AFAP1: variants seen among roughly 807,000 people sequenced by gnomAD.
AFAP1 encodes the protein actin filament-associated protein 1.
Under a neutral mutation model 93.9 loss-of-function variants are expected in AFAP1, and 75 were observed. That is an observed-to-expected ratio of 0.80 (90% confidence interval 0.66 to 0.97). The LOEUF (loss-of-function observed/expected upper bound fraction) is 0.97, where lower values mean the gene tolerates loss of function less well. AFAP1 is among the 50% of genes least tolerant of loss of function. AFAP1 has a pLI of 0.00. For synonymous variants in AFAP1, 517 were observed against 430.7 expected, an observed-to-expected ratio of 1.20 and a Z score of -2.48; for missense variants, 1,201 against 1,050.8, an observed-to-expected ratio of 1.14 and a Z score of -1.98.
rs1366136853 is a variant in AFAP1, at chr4:7,793,743, G to A, written c.1350C>T (p.His450=). ...TGSSTDPEAL[H]YDYIDVEMSA... ...ACATCTCCACATCAATGTAGTCATA[G>A]TGCAGAGCCTCCGGGTCTGTGGACG... Residue 450 remains histidine (H), a synonymous_variant, in exon 11 of 18, where the codon CAC becomes CAT. Transcript: ENST00000420658. 7 of 1,579,290 alleles carry A rather than the reference G, an allele frequency of 4.4e-6. No individual in the cohort carries two copies. Among genetic ancestry groups the A allele is most frequent in the African/African-American group, 1.3e-5 (1 of 74,692 alleles).
At chr4:7,805,138 C>T (rs557087572) in intron 9 of AFAP1, among the ~76,000 whole-genome samples, 5 of 152,192 alleles carry the variant, frequency 3.3e-5, no homozygotes, top group Non-Finnish European at 5.9e-5. Context: ...TGGCATCAAG[C>T]GGTCCTCTCC....
At chr4:7,795,341 T>A (rs1303932648) in intron 10 of AFAP1, among the ~76,000 whole-genome samples, 1 of 148,966 alleles carries the variant, frequency 6.7e-6, no homozygotes, top group Non-Finnish European at 1.5e-5. Flanking sequence ...AATACCTGGA[T>A]TAAAACAAAA....
At chr4:7,856,915 A>G (rs747375214) in intron 3 of AFAP1, among the ~76,000 whole-genome samples, 54 of 152,258 alleles carry the variant, frequency 3.5e-4, no homozygotes, top group Non-Finnish European at 1.5e-4. Context: ...CCTTCAGGGC[A>G]TGTATTCTAT....
intron 9 of AFAP1, among the ~76,000 whole-genome samples, chr4:7,806,131 G>A (rs62289279): frequency 2.0e-5 from 3 of 152,314 alleles, no homozygotes; most frequent in East Asian, 1.9e-4. Context: ...GGGCCTTTGC[G>A]CATGTCTCAG....
In AFAP1 at chr4:7,937,644, G is replaced by A. The variant is rs534311586; in HGVS notation, c.-3+2012C>T. On this transcript the variant is annotated intron_variant, in intron 1 of 17. Coordinates refer to ENST00000420658, the MANE Select transcript of AFAP1 (RefSeq NM_001134647.2). Reference sequence around the variant, plus strand: ...TGCGATTACAGGCACCCACCACCATGCCCGGCTAATTTTTGTATTTTTAGT... The same window carrying A: ...TGCGATTACAGGCACCCACCACCATACCCGGCTAATTTTTGTATTTTTAGT... Among the ~76,000 whole-genome samples the A allele has an allele frequency of 6.6e-3, 1,007 of 152,184 alleles. 15 individuals carry two copies. The highest frequency in any genetic ancestry group is 0.023 in the African/African-American group (959 of 41,522).
intron 10 of AFAP1, among the ~76,000 whole-genome samples, chr4:7,799,613 G>A (rs1218200519): frequency 2.0e-5 from 3 of 152,208 alleles, no homozygotes; most frequent in Non-Finnish European, 2.9e-5. Flanking sequence ...CATCTGGCGT[G>A]TGAATGCACA....
chr4:7,919,887 C>G (rs1484178363), intron 1 of AFAP1, among the ~76,000 whole-genome samples: 1 of 151,318 alleles, frequency 6.6e-6, no homozygotes, highest in Non-Finnish European at 1.5e-5. Context: ...TAAGTAAGAA[C>G]ACATGGTGTT....
chr4:7,908,077 T>G (rs1719524202), intron 1 of AFAP1, among the ~76,000 whole-genome samples: 1 of 152,112 alleles, frequency 6.6e-6, no homozygotes, highest in Non-Finnish European at 1.5e-5. Context: ...CCGGGCGTGG[T>G]GGCACACACC....
intron 17 of AFAP1, among the ~76,000 whole-genome samples, chr4:7,766,086 A>G (rs916112915): frequency 2.6e-5 from 4 of 152,180 alleles, no homozygotes; most frequent in African/African-American, 9.7e-5. Flanking sequence ...CTCGAGTTCA[A>G]CTCATGGTTA....
rs1714022679 is a variant in AFAP1, at chr4:7,762,967, G to A, written c.*798C>T. 6.6e-6 allele frequency: 1 copy of A among 152,172 alleles called. No homozygotes were observed. The highest frequency in any genetic ancestry group is 2.4e-5 in the African/African-American group (1 of 41,434). 9.4% of individuals were successfully genotyped at this position (152,172 alleles called of 1,614,324 possible). A position where few individuals can be genotyped will look rare whatever the true frequency, so the allele number is the denominator to read the frequency against. On this transcript the variant is annotated 3_prime_UTR_variant, in exon 18 of 18. Transcript: ENST00000420658. Reference sequence around the variant, plus strand: ...GGATGCTAGCCCAAGGGGGAGGAGGGTGTACTGTTAGTGAAGTATTAAAAC... The same window carrying A: ...GGATGCTAGCCCAAGGGGGAGGAGGATGTACTGTTAGTGAAGTATTAAAAC...
At chr4:7,844,600 G>A (rs962470218) in intron 4 of AFAP1, among the ~76,000 whole-genome samples, 3 of 152,216 alleles carry the variant, frequency 2.0e-5, no homozygotes, top group Non-Finnish European at 4.4e-5. Flanking sequence ...AGACCATCTC[G>A]TTGGCGGTGA....
intron 1 of AFAP1, among the ~76,000 whole-genome samples, chr4:7,889,100 A>T (rs141792941): frequency 2.6e-4 from 39 of 152,288 alleles, no homozygotes; most frequent in African/African-American, 9.4e-4. Context: ...CATTAACAAA[A>T]TTTTTAGCAA....
At position 7,939,433 on chromosome 4, in the gene AFAP1, T is replaced by A. The variant is rs1367410274; in HGVS notation, c.-3+223A>T. Reference sequence around the variant, plus strand: ...TCCCCTCCGGGCAGACGCGGGGAGCTGGGGAGCAGTGGGGACCGGCCCCCA... The same window carrying A: ...TCCCCTCCGGGCAGACGCGGGGAGCAGGGGAGCAGTGGGGACCGGCCCCCA... On this transcript the variant is annotated intron_variant, in intron 1 of 17. Transcript: ENST00000420658. The surrounding 1 kb of genome is among the most constrained non-coding windows in gnomAD (Gnocchi z 5.6). 1 of 294,350 alleles carries A rather than the reference T, an allele frequency of 3.4e-6. No individual in the cohort carries two copies. Among genetic ancestry groups the A allele is most frequent in the Non-Finnish European group, 6.6e-6 (1 of 152,420 alleles). 18.2% of individuals were successfully genotyped at this position (294,350 alleles called of 1,614,324 possible). A position where few individuals can be genotyped will look rare whatever the true frequency, so the allele number is the denominator to read the frequency against.
chr4:7,763,490 G>C lies in AFAP1; in HGVS notation c.*275C>G, dbSNP rs769526420. Reference sequence around the variant, plus strand: ...TATCTGGTTAGAAAGATGTCACTTCGCCTGATAGCATCCTTTCAAACACCT... The same window carrying C: ...TATCTGGTTAGAAAGATGTCACTTCCCCTGATAGCATCCTTTCAAACACCT... On this transcript the variant is annotated 3_prime_UTR_variant, in exon 18 of 18. Transcript: ENST00000420658. 2.1e-6 allele frequency: 1 copy of C among 483,136 alleles called. No homozygotes were observed. Among genetic ancestry groups the C allele is most frequent in the Non-Finnish European group, 3.7e-6 (1 of 272,654 alleles). 29.9% of individuals were successfully genotyped at this position (483,136 alleles called of 1,614,324 possible). A position where few individuals can be genotyped will look rare whatever the true frequency, so the allele number is the denominator to read the frequency against.
chr4:7,766,646 T>G (rs1714628052), intron 17 of AFAP1, among the ~76,000 whole-genome samples: 2 of 149,590 alleles, frequency 1.3e-5, no homozygotes, highest in African/African-American at 2.5e-5. Context: ...GGTAACAGAA[T>G]CTCCAGGTGA....
In AFAP1 at chr4:7,762,376, G is replaced by GC. The variant is rs1194468136; in HGVS notation, c.*1388dup. ...TCTGTATTCTATGCTTGGGGAAGGG[G>GC]CGGTTGCTACTGGGACTGGTCTCCA... is the stretch of plus-strand genomic sequence containing the variant. On this transcript the variant is annotated 3_prime_UTR_variant, in exon 18 of 18. Coordinates refer to ENST00000420658, the MANE Select transcript of AFAP1 (RefSeq NM_001134647.2). The GC allele has an allele frequency of 6.6e-6, 1 of 152,260 alleles. No individual in the cohort carries two copies. Among genetic ancestry groups the GC allele is most frequent in the East Asian group, 1.9e-4 (1 of 5,186 alleles). 9.4% of individuals were successfully genotyped at this position (152,260 alleles called of 1,614,324 possible).
chr4:7,891,365 C>T (rs1248854109), intron 1 of AFAP1, among the ~76,000 whole-genome samples: 2 of 152,018 alleles, frequency 1.3e-5, no homozygotes, highest in African/African-American at 4.8e-5. Flanking sequence ...TGAAGAAGCA[C>T]ATCCGAGGTA....
chr4:7,781,411 A>G lies in AFAP1; in HGVS notation c.1747T>C (p.Ser583Pro). 6.4e-7 allele frequency: 1 copy of G among 1,551,878 alleles called. No individual in the cohort carries two copies. Among genetic ancestry groups the G allele is most frequent in the Non-Finnish European group, 8.7e-7 (1 of 1,147,040 alleles). Reference protein sequence around the residue: ...ASAQSVTNTSSVGRASLGLNS... With the variant: ...ASAQSVTNTSPVGRASLGLNS... ...AGCCCGAGAGACGCCCTCCCCACAG[A>G]AGAGGTATTAGTGACAGACTGAGCG... The change falls in exon 13 of 18, where the codon TCT (serine) becomes CCT (proline). Residue 583 changes from serine (S) to proline (P), a missense_variant. By Grantham distance (74) the Ser-to-Pro change is moderately conservative (BLOSUM62 -1). Coordinates refer to ENST00000420658, the MANE Select transcript of AFAP1 (RefSeq NM_001134647.2).
intron 1 of AFAP1, among the ~76,000 whole-genome samples, chr4:7,937,598 T>A (rs558324708): frequency 6.6e-6 from 1 of 152,290 alleles, no homozygotes; most frequent in Admixed American, 6.5e-5. Context: ...GCTATTCTCC[T>A]GCCTCAGCCT....
Sources: allele counts gnomAD v4.1 joint callset (sites outside exome capture counted in the v4.1 genomes callset), GRCh38; gene constraint gnomAD v4.1.1; non-coding constraint Gnocchi (gnomAD v3.1); transcripts MANE v1.5; gene names NCBI Gene and HGNC (gene_info 2026-07-23, HGNC 2026-07-21).